The following SPATA31F1 variants were observed in gnomAD, a reference collection of about 807,000 sequenced individuals.
SPATA31F1 encodes the protein SPATA31 subfamily F member 1, also known as protein SPATA31F1.
chr9:34,728,580 G>A, the SPATA31F1 span: 2 of 1,548,414 alleles, frequency 1.3e-6, no homozygotes, highest in South Asian at 1.2e-5. Flanking sequence ...CACAGTGGAA[G>A]GGAGTCAGAG....
chr9:34,728,098 A>G, the SPATA31F1 span: 18 of 1,551,454 alleles, frequency 1.2e-5, no homozygotes, highest in Non-Finnish European at 1.6e-5. Context: ...GAACGGGGAG[A>G]CAGTGTTATA....
chr9:34,725,144 G>C, the SPATA31F1 span: 46 of 1,545,296 alleles, frequency 3.0e-5, no homozygotes, highest in African/African-American at 5.8e-4. Context: ...GCAGTCCCAG[G>C]ACCTGTGTAC....
the SPATA31F1 span, chr9:34,725,809 G>A: frequency 6.5e-7 from 1 of 1,549,544 alleles, no homozygotes; most frequent in Non-Finnish European, 8.7e-7. Flanking sequence ...GGAGCAGTTG[G>A]GGGAAGGAGA....
the SPATA31F1 span, chr9:34,729,252 C>G: frequency 3.2e-6 from 5 of 1,543,458 alleles, no homozygotes; most frequent in South Asian, 6.1e-5. Flanking sequence ...TTATCTGAGG[C>G]TTAATTAGTT....
the SPATA31F1 span, chr9:34,729,278 C>G: frequency 6.4e-7 from 1 of 1,551,470 alleles, no homozygotes; most frequent in South Asian, 1.2e-5. Context: ...GGGATCACAG[C>G]CCTACCCGGC....
the SPATA31F1 span, chr9:34,726,741 A>G: frequency 6.4e-7 from 1 of 1,551,702 alleles, no homozygotes; most frequent in African/African-American, 1.4e-5. Context: ...GGGGTTACAG[A>G]TGACAGTGAA....
At chr9:34,726,165 T>C in the SPATA31F1 span, 1 of 1,258,342 alleles carries the variant, frequency 7.9e-7, no homozygotes. Context: ...GAACACCAGG[T>C]CTGGAGGGAA....
the SPATA31F1 span, chr9:34,723,782 G>A: frequency 6.4e-7 from 1 of 1,551,744 alleles, no homozygotes; most frequent in Non-Finnish European, 8.7e-7. Flanking sequence ...CTCAGGAATT[G>A]TCGCTGGTTC....
At chr9:34,726,629 A>C in the SPATA31F1 span, 18 of 1,551,142 alleles carry the variant, frequency 1.2e-5, no homozygotes, top group Non-Finnish European at 1.4e-5. Context: ...TTCCTGCCCT[A>C]GCTGGAGGTG....
At chr9:34,725,689 A>G in the SPATA31F1 span, 1 of 1,519,738 alleles carries the variant, frequency 6.6e-7, no homozygotes, top group Non-Finnish European at 8.8e-7. Flanking sequence ...CTTCATACTC[A>G]GCCAGAGTCA....
At chr9:34,725,682 C>T in the SPATA31F1 span, 2 of 1,513,820 alleles carry the variant, frequency 1.3e-6, no homozygotes, top group South Asian at 2.6e-5. Flanking sequence ...TCCAAGGCTT[C>T]ATACTCAGCC....
At chr9:34,723,373 C>G in the SPATA31F1 span, 1 of 1,551,702 alleles carries the variant, frequency 6.4e-7, no homozygotes, top group Non-Finnish European at 8.7e-7. Context: ...GGGGACCATC[C>G]AAGAAGGCTG....
At chr9:34,729,259 A>G in the SPATA31F1 span, 7 of 1,544,916 alleles carry the variant, frequency 4.5e-6, no homozygotes, top group Non-Finnish European at 6.1e-6. Context: ...AGGCTTAATT[A>G]GTTCAGTTGG....
At chr9:34,728,495 C>T in the SPATA31F1 span, 6 of 979,644 alleles carry the variant, frequency 6.1e-6, no homozygotes, top group Non-Finnish European at 9.2e-6. Context: ...GTCTGGGGAA[C>T]TGGAGTCTTC....
the SPATA31F1 span, chr9:34,723,736 AC>A: frequency 6.4e-7 from 1 of 1,551,694 alleles, no homozygotes; most frequent in South Asian, 1.2e-5. Flanking sequence ...GGAAAGGCTG[AC>A]CCTGTGAAGC....
the SPATA31F1 span, chr9:34,728,532 C>T: frequency 2.1e-6 from 3 of 1,431,010 alleles, no homozygotes; most frequent in Admixed American, 2.0e-5. Flanking sequence ...GCTCTTGGCT[C>T]CAGAGGTCAC....
At chr9:34,728,820 T>G in the SPATA31F1 span, among the ~76,000 whole-genome samples, 1 of 152,230 alleles carries the variant, frequency 6.6e-6, no homozygotes, top group Non-Finnish European at 1.5e-5. Context: ...TTTACCCCAT[T>G]TTCCTTCTCT....
At chr9:34,723,850 C>T in the SPATA31F1 span, 4 of 1,551,684 alleles carry the variant, frequency 2.6e-6, no homozygotes, top group Non-Finnish European at 3.5e-6. Context: ...ACTCTTTCTC[C>T]CCAGGGACTC....
At chr9:34,727,991 TG>T in the SPATA31F1 span, 2 of 1,547,954 alleles carry the variant, frequency 1.3e-6, no homozygotes, top group Non-Finnish European at 1.7e-6. Flanking sequence ...CCAGGCTGGT[TG>T]TTGATAGAGT....
Sources: allele counts gnomAD v4.1 joint callset (sites outside exome capture counted in the v4.1 genomes callset), GRCh38; gene constraint gnomAD v4.1.1; transcripts MANE v1.5; gene names NCBI Gene and HGNC (gene_info 2026-07-23, HGNC 2026-07-21).